The following MYH16 variants were observed in gnomAD, a reference collection of about 807,000 sequenced individuals.
MYH16 encodes myosin heavy chain 16, also known as putative uncharacterized protein MYH16.
exon 19 of MYH16, chr7:99,271,010 T>A (rs971822524): frequency 3.3e-5 from 5 of 152,638 alleles, no homozygotes; most frequent in Non-Finnish European, 7.3e-5. Context: ...GGGACGAGCG[T>A]CTGGCCAAGA....
chr7:99,274,124 G>A (rs1156991443), intron 20 of MYH16, among the ~76,000 whole-genome samples: 1 of 152,224 alleles, frequency 6.6e-6, no homozygotes, highest in Non-Finnish European at 1.5e-5. Flanking sequence ...GATAAGGTCC[G>A]ACCTCTCATT....
intron 34 of MYH16, among the ~76,000 whole-genome samples, chr7:99,297,330 G>A (rs1393901444): frequency 5.3e-5 from 8 of 152,134 alleles, no homozygotes; most frequent in African/African-American, 1.9e-4. Flanking sequence ...CTACTTGGGA[G>A]GCTGAGGCAG....
chr7:99,285,247 TG>T, intron 26 of MYH16, 134 bp from the exon 9 acceptor site: 1 of 398,310 alleles, frequency 2.5e-6, no homozygotes, highest in Non-Finnish European at 5.0e-6. Context: ...ACTTGCTCTC[TG>T]GGATCTGCCT....
intron 21 of MYH16, among the ~76,000 whole-genome samples, chr7:99,278,736 TG>T (rs754859956): frequency 3.3e-5 from 5 of 152,232 alleles, no homozygotes; most frequent in African/African-American, 4.8e-5. Context: ...CGGCCATCTC[TG>T]TAGCCGTGAG....
chr7:99,243,873 A>T (rs1791697955), intron 2 of MYH16, among the ~76,000 whole-genome samples: 1 of 146,298 alleles, frequency 6.8e-6, no homozygotes, highest in Non-Finnish European at 1.5e-5. Flanking sequence ...ATCCATCCAA[A>T]CATTCATCCA....
exon 27 of MYH16, chr7:99,285,386 G>C (rs370790738): frequency 1.3e-5 from 6 of 456,740 alleles, no homozygotes; most frequent in Non-Finnish European, 2.6e-5. Context: ...TGCTAGGACC[G>C]AATTGAAGAG....
intron 5 of MYH16, among the ~76,000 whole-genome samples, chr7:99,250,232 A>T (rs192583778): frequency 2.1e-4 from 32 of 152,320 alleles, no homozygotes; most frequent in African/African-American, 7.5e-4. Flanking sequence ...GGGGTCACAC[A>T]GGGAGAAGGT....
intron 22 of MYH16, among the ~76,000 whole-genome samples, chr7:99,280,595 G>C (rs1792188268): frequency 6.6e-6 from 1 of 152,324 alleles, no homozygotes; most frequent in African/African-American, 2.4e-5. Flanking sequence ...CAAACCACTG[G>C]GGATACAGTC....
intron 14 of MYH16, among the ~76,000 whole-genome samples, chr7:99,263,917 T>C (rs917383458): frequency 9.2e-5 from 14 of 152,190 alleles, no homozygotes; most frequent in Admixed American, 7.2e-4. Flanking sequence ...CCAGTCTCCC[T>C]GGTCTCACCA....
chr7:99,290,780 G>A (rs1325166433), intron 30 of MYH16: 4 of 150,228 alleles, frequency 2.7e-5, no homozygotes, highest in Non-Finnish European at 5.9e-5. Flanking sequence ...TCCAGCCTGG[G>A]TGACAAGAAT....
chr7:99,301,177 C>T (rs980764600), intron 37 of MYH16, among the ~76,000 whole-genome samples: 3 of 102,350 alleles, frequency 2.9e-5, no homozygotes, highest in African/African-American at 1.2e-4. Context: ...GCCTAGGGGA[C>T]AGAGCAAGAC....
downstream of MYH16, among the ~76,000 whole-genome samples, chr7:99,309,884 T>C (rs1792736083): frequency 6.6e-6 from 1 of 152,086 alleles, no homozygotes; most frequent in African/African-American, 2.4e-5. Flanking sequence ...AAGCCAGGCA[T>C]GATGGCAGGT....
intron 1 of MYH16, among the ~76,000 whole-genome samples, chr7:99,242,018 G>A (rs542211606): frequency 2.0e-5 from 3 of 152,108 alleles, no homozygotes; most frequent in South Asian, 2.1e-4. Context: ...GCGCTACCAC[G>A]CCCAGCTAAT....
chr7:99,299,087 A>T (rs565933757), intron 36 of MYH16, among the ~76,000 whole-genome samples: 28 of 84,614 alleles, frequency 3.3e-4, no homozygotes, highest in African/African-American at 3.2e-3. Flanking sequence ...AAATAAAAAT[A>T]AAAAAAAAAA....
chr7:99,247,937 G>A (rs1004063427), intron 3 of MYH16, among the ~76,000 whole-genome samples: 2 of 152,134 alleles, frequency 1.3e-5, no homozygotes, highest in Non-Finnish European at 2.9e-5. Context: ...CTCAGTGAGT[G>A]TGCTGGGCAC....
At chr7:99,242,197 CA>C (rs1192859478) in intron 1 of MYH16, among the ~76,000 whole-genome samples, 1 of 152,156 alleles carries the variant, frequency 6.6e-6, no homozygotes, top group Non-Finnish European at 1.5e-5. Context: ...TGGGGTGCAG[CA>C]TGGGGAAGAG....
chr7:99,283,855 C>T lies in MYH16; in HGVS notation n.3080-18C>T, dbSNP rs1792238243. 2.2e-6 allele frequency: 1 copy of T among 452,662 alleles called. No individual in the cohort carries two copies. 28.0% of individuals were successfully genotyped at this position (452,662 alleles called of 1,614,324 possible). On this transcript the variant is annotated intron_variant and non_coding_transcript_variant, in intron 24 of 41. Transcript: ENST00000439784. ...GACTCTCCTCGTCTACCTTCTCTTG[C>T]TGTTCTTGTCTCTGTAGCTGGAGGA...
intron 20 of MYH16, among the ~76,000 whole-genome samples, chr7:99,276,991 C>T (rs1468899280): frequency 4.0e-5 from 6 of 150,766 alleles, no homozygotes; most frequent in African/African-American, 1.5e-4. Flanking sequence ...GAGAGCAGAG[C>T]AACAGAGACT....
chr7:99,268,565 A>G (rs886121837), intron 18 of MYH16, among the ~76,000 whole-genome samples: 3 of 152,208 alleles, frequency 2.0e-5, no homozygotes, highest in African/African-American at 7.2e-5. Flanking sequence ...CGTCAGTTCC[A>G]GGGGAAGGCC....
Sources: gnomAD v4.1 joint callset for allele counts (sites outside exome capture counted in the v4.1 genomes callset) on GRCh38, gnomAD v4.1.1 for gene constraint, MANE v1.5 for transcripts, NCBI Gene and HGNC (gene_info 2026-07-23, HGNC 2026-07-21) for gene names.